PHEX: variants seen among roughly 807,000 people sequenced by gnomAD.
PHEX encodes the protein phosphate regulating endopeptidase X-linked.
Under a neutral mutation model 68.0 loss-of-function variants are expected in PHEX, and 16 were observed. The observed-to-expected ratio is 0.24, with a 90% CI of 0.16 to 0.36. The LOEUF (loss-of-function observed/expected upper bound fraction) is 0.36. PHEX is among the 10% of genes least tolerant of loss of function. The pLI, the probability that PHEX is intolerant of heterozygous loss-of-function variation, is 1.00. For synonymous variants in PHEX, 208 were observed against 205.1 expected, an observed-to-expected ratio of 1.01 and a Z score of -0.12; for missense variants, 480 against 575.5, an observed-to-expected ratio of 0.83 and a Z score of 1.70.
At chrX:22,169,165 A>G (rs1237248824) in intron 13 of PHEX, among the ~76,000 whole-genome samples, 2 of 112,206 alleles carry the variant, frequency 1.8e-5, no homozygotes, top group Non-Finnish European at 3.8e-5. Flanking sequence ...AACAAGTGGC[A>G]TATCTGAAAA....
intron 20 of PHEX, among the ~76,000 whole-genome samples, chrX:22,229,054 C>A (rs1326397614): frequency 8.9e-6 from 1 of 111,951 alleles, no homozygotes; most frequent in African/African-American, 3.2e-5. Flanking sequence ...CTGCAAAGAA[C>A]ATGAGCTCAT....
chrX:22,181,750 C>T (rs1454894727), intron 14 of PHEX, among the ~76,000 whole-genome samples: 1 of 111,600 alleles, frequency 9.0e-6, no homozygotes, highest in Non-Finnish European at 1.9e-5. Context: ...TTCAATTTCT[C>T]GCATCAATGT....
At chrX:22,221,864 C>A in intron 18 of PHEX, 121 bp downstream of exon 18, 1 of 670,402 alleles carries the variant, frequency 1.5e-6, no homozygotes. Context: ...ATCTGTCTTC[C>A]TTGGGAACAT....
At chrX:22,073,510 T>TA (rs895296261) in intron 3 of PHEX, among the ~76,000 whole-genome samples, 49 of 111,074 alleles carry the variant, frequency 4.4e-4, no homozygotes, top group Middle Eastern at 4.6e-3. Flanking sequence ...ATGTTGCCTT[T>TA]AAAAAAAAGT....
intron 11 of PHEX, among the ~76,000 whole-genome samples, chrX:22,122,573 C>T (rs1156637019): frequency 8.9e-6 from 1 of 112,070 alleles, no homozygotes; most frequent in Non-Finnish European, 1.9e-5. Context: ...ATAAATGATG[C>T]AAGAGTTTCT....
At chrX:22,142,166 C>T (rs770156359) in intron 12 of PHEX, among the ~76,000 whole-genome samples, 2 of 111,782 alleles carry the variant, frequency 1.8e-5, no homozygotes, top group African/African-American at 3.2e-5. Context: ...GCAGGAGAAT[C>T]GCTTGAACCC....
At chrX:22,198,647 G>A (rs769884188) in intron 15 of PHEX, among the ~76,000 whole-genome samples, 1 of 111,781 alleles carries the variant, frequency 8.9e-6, no homozygotes, top group South Asian at 3.8e-4. Context: ...CACAAATGCT[G>A]GGGCACAGCT....
At chrX:22,186,311 T>C (rs902997955) in intron 14 of PHEX, among the ~76,000 whole-genome samples, 1 of 111,848 alleles carries the variant, frequency 8.9e-6, no homozygotes, top group Admixed American at 9.5e-5. Flanking sequence ...CACCTTTAAT[T>C]ACCTAGCCTT....
chrX:22,184,452 G>A (rs1602368446), intron 14 of PHEX, among the ~76,000 whole-genome samples: 1 of 111,267 alleles, frequency 9.0e-6, no homozygotes, highest in African/African-American at 3.3e-5. Context: ...CTGAAATAAC[G>A]TTTTGCTTCT....
intron 20 of PHEX, among the ~76,000 whole-genome samples, chrX:22,236,924 T>C (rs1602426868): frequency 8.9e-6 from 1 of 112,465 alleles, no homozygotes; most frequent in Admixed American, 9.4e-5. Flanking sequence ...AACTAAACTA[T>C]AGCTGACTGA....
In PHEX at chrX:22,133,446, C is replaced by T. The variant is rs192225326; in HGVS notation, c.1303-77C>T. 8.0e-6 allele frequency: 6 copies of T among 752,182 alleles called. No homozygotes were observed. In the East Asian group the frequency reaches 1.6e-4, roughly 20 times the overall value. 62.0% of individuals were successfully genotyped at this position (752,182 alleles called of 1,213,427 possible). On this transcript the variant is annotated intron_variant, in intron 11 of 21. Coordinates refer to ENST00000379374, the MANE Select transcript of PHEX (RefSeq NM_000444.6). ...GTTGAGTAAAGAGTCATTTCTCATGCAAGCCAATTTTGTTCCAGAAAACCT... is the reference window on the plus strand; with the variant it reads ...GTTGAGTAAAGAGTCATTTCTCATGTAAGCCAATTTTGTTCCAGAAAACCT...
chrX:22,132,863 G>A (rs1217896304), intron 11 of PHEX, among the ~76,000 whole-genome samples: 2 of 107,492 alleles, frequency 1.9e-5, no homozygotes, highest in Non-Finnish European at 1.9e-5. Flanking sequence ...TTATTCTCAT[G>A]GAAAGAAATG....
chrX:22,156,919 G>T (rs1254392353), intron 12 of PHEX, among the ~76,000 whole-genome samples: 1 of 109,020 alleles, frequency 9.2e-6, no homozygotes. Context: ...GTCTCACTCT[G>T]TTGCCCAGGC....
intron 12 of PHEX, among the ~76,000 whole-genome samples, chrX:22,141,816 A>G (rs901376485): frequency 2.5e-4 from 28 of 112,564 alleles, no homozygotes; most frequent in Non-Finnish European, 4.1e-4. Flanking sequence ...TAACATTTTG[A>G]TGTATCACTT....
chrX:22,233,460 T>G (rs145392903), intron 20 of PHEX, among the ~76,000 whole-genome samples: 5,289 of 111,437 alleles, frequency 0.047, 124 homozygotes, highest in Middle Eastern at 0.074. Context: ...CAAACGTAGA[T>G]TTGGTCTTTT....
intron 3 of PHEX, among the ~76,000 whole-genome samples, chrX:22,057,789 G>A (rs1201279737): frequency 1.8e-5 from 2 of 111,332 alleles, no homozygotes; most frequent in Non-Finnish European, 1.9e-5. Context: ...CACTGTGACC[G>A]CAGCACCAAG....
chrX:22,123,274 C>T (rs1233511637), intron 11 of PHEX, among the ~76,000 whole-genome samples: 1 of 110,566 alleles, frequency 9.0e-6, no homozygotes, highest in Non-Finnish European at 1.9e-5. Flanking sequence ...CAGGTGTGAG[C>T]CACCTGTAAC....
intron 18 of PHEX, among the ~76,000 whole-genome samples, chrX:22,224,192 A>G (rs1304592488): frequency 9.0e-6 from 1 of 111,597 alleles, no homozygotes; most frequent in Non-Finnish European, 1.9e-5. Flanking sequence ...CATGTTGGCC[A>G]GTCTGGTCTC....
chrX:22,144,630 A>G, intron 12 of PHEX, among the ~76,000 whole-genome samples: 2 of 111,096 alleles, frequency 1.8e-5, no homozygotes, highest in East Asian at 5.6e-4. Flanking sequence ...AAGGAATTTT[A>G]AAAACCTAAC....
Sources: allele counts gnomAD v4.1 joint callset (sites outside exome capture counted in the v4.1 genomes callset), GRCh38; gene constraint gnomAD v4.1.1; transcripts MANE v1.5; gene names NCBI Gene and HGNC (gene_info 2026-07-23, HGNC 2026-07-21).